PIK3R1: variants seen among roughly 807,000 people sequenced by gnomAD.
PIK3R1 encodes the protein phosphoinositide-3-kinase regulatory subunit 1, also known as phosphatidylinositol 3-kinase regulatory subunit alpha.
Under a neutral mutation model 98.0 loss-of-function variants are expected in PIK3R1, and 29 were observed. The ratio of observed to expected loss-of-function variants is 0.30; its 90% confidence interval spans 0.22 to 0.40. PIK3R1 has a LOEUF of 0.40. Ranked by LOEUF, PIK3R1 falls within the 10% of genes least tolerant of loss-of-function variation. The pLI is 1.00. For synonymous variants in PIK3R1, 282 were observed against 311.8 expected, an observed-to-expected ratio of 0.90 and a Z score of 1.01; for missense variants, 596 against 872.7, an observed-to-expected ratio of 0.68 and a Z score of 3.99.
At chr5:68,227,043 C>A in intron 2 of PIK3R1, 34 bp downstream of exon 2, 2 of 1,526,160 alleles carry the variant, frequency 1.3e-6, no homozygotes, top group Non-Finnish European at 1.8e-6. Context: ...TAATGACTCC[C>A]TTTCTTTTTC....
chr5:68,262,715 G>A (rs862715), intron 2 of PIK3R1, among the ~76,000 whole-genome samples: 515 of 16,478 alleles, frequency 0.031, 32 homozygotes, highest in African/African-American at 0.12. Context: ...GCATGTAGAT[G>A]CATGTATACA....
intron 2 of PIK3R1, among the ~76,000 whole-genome samples, chr5:68,240,653 C>T (rs1278736867): frequency 6.6e-6 from 1 of 152,186 alleles, no homozygotes; most frequent in African/African-American, 2.4e-5. Context: ...AGTGAATTGT[C>T]ACTGTAACTG....
At chr5:68,225,711 G>A (rs1254620319) in intron 1 of PIK3R1, among the ~76,000 whole-genome samples, 1 of 152,112 alleles carries the variant, frequency 6.6e-6, no homozygotes, top group Non-Finnish European at 1.5e-5. Context: ...TTTTCACCAA[G>A]CCCTTTCCGT....
chr5:68,294,684 TG>T lies in PIK3R1; in HGVS notation c.1568+7del, dbSNP rs762253615. On this transcript the variant is annotated splice_region_variant and intron_variant, in intron 12 of 15. Transcript: ENST00000521381. ...AATGAGAAAGAAATACAAAGGTTGG[TG>T]TTTCCCTTGTTCTTGTGCTAGAGAT... The T allele has an allele frequency of 7.5e-6, 12 of 1,596,182 alleles. No individual in the cohort carries two copies. Among genetic ancestry groups the T allele is most frequent in the Non-Finnish European group, 1.0e-5 (12 of 1,174,152 alleles).
chr5:68,290,101 CTTT>C (rs1476439716), intron 7 of PIK3R1, among the ~76,000 whole-genome samples: 1 of 152,032 alleles, frequency 6.6e-6, no homozygotes, highest in Non-Finnish European at 1.5e-5. Context: ...TATACATTTT[CTTT>C]TAACTGTCCT....
intron 2 of PIK3R1, among the ~76,000 whole-genome samples, chr5:68,252,092 T>G (rs573570491): frequency 6.6e-6 from 1 of 152,220 alleles, no homozygotes; most frequent in African/African-American, 2.4e-5. Context: ...CAACAACTGG[T>G]CAAGAGCCCA....
Position 68,299,433 on chromosome 5 carries a change from C to CCG in PIK3R1, c.*1832_*1833insCG, listed in dbSNP as rs1172288138. Reference sequence around the variant, plus strand: ...TCTAATCATTGTATGTGCTTCACTACGGGGGGGAGAAGGAAACGTTAGCAT... The same window carrying CCG: ...TCTAATCATTGTATGTGCTTCACTACCGGGGGGGGAGAAGGAAACGTTAGCAT... On this transcript the variant is annotated 3_prime_UTR_variant, in exon 16 of 16. Coordinates refer to ENST00000521381, the MANE Select transcript of PIK3R1 (RefSeq NM_181523.3). 8.6e-6 allele frequency: 2 copies of CCG among 232,940 alleles called. No individual in the cohort carries two copies. Among genetic ancestry groups the CCG allele is most frequent in the Non-Finnish European group, 1.7e-5 (2 of 117,870 alleles). 14.4% of individuals were successfully genotyped at this position (232,940 alleles called of 1,614,324 possible). A position where few individuals can be genotyped will look rare whatever the true frequency, so the allele number is the denominator to read the frequency against.
chr5:68,255,064 G>A (rs1033091196), intron 2 of PIK3R1, among the ~76,000 whole-genome samples: 4 of 152,168 alleles, frequency 2.6e-5, no homozygotes, highest in Non-Finnish European at 2.9e-5. Flanking sequence ...AAATGAATCT[G>A]GAATGGCCTG....
intron 1 of PIK3R1, among the ~76,000 whole-genome samples, chr5:68,222,874 G>A (rs867446939): frequency 3.3e-5 from 5 of 152,212 alleles, no homozygotes; most frequent in African/African-American, 1.2e-4. Flanking sequence ...GACTTACAGA[G>A]CTAGACTGCC....
In PIK3R1 at chr5:68,279,640, G is replaced by A. The variant is rs143572224; in HGVS notation, c.541G>A (p.Val181Ile). The change falls in exon 5 of 16, where the codon GTT becomes ATT. Residue 181 changes from valine (V) to isoleucine (I), a missense_variant. Around this residue, in one of 3 missense-constraint regions of PIK3R1, gnomAD observed 352 missense variants for 393.3 expected, o/e 0.90. Coordinates refer to ENST00000521381, the MANE Select transcript of PIK3R1 (RefSeq NM_181523.3). ...SVDLEMIDVH[V>I]LADAFKRYLL... Reference sequence around the variant, plus strand: ...GGACTTGGAAATGATCGATGTGCACGTTTTGGCTGACGCTTTCAAACGCTA... The same window carrying A: ...GGACTTGGAAATGATCGATGTGCACATTTTGGCTGACGCTTTCAAACGCTA... The A allele has an allele frequency of 5.7e-5, 92 of 1,613,774 alleles. No homozygotes were observed. The highest frequency in any genetic ancestry group is 1.6e-4 in the African/African-American group (12 of 74,868).
At chr5:68,290,934 T>C in intron 7 of PIK3R1, 1 of 759,098 alleles carries the variant, frequency 1.3e-6, no homozygotes, top group East Asian at 2.8e-5. Flanking sequence ...CTGTTTTTAT[T>C]AATTTGTTTC....
chr5:68,230,024 A>T (rs575927874), intron 2 of PIK3R1, among the ~76,000 whole-genome samples: 1 of 152,350 alleles, frequency 6.6e-6, no homozygotes, highest in African/African-American at 2.4e-5. Flanking sequence ...AGATGAAATC[A>T]AGGCTCAAGA....
intron 4 of PIK3R1, among the ~76,000 whole-genome samples, chr5:68,275,268 G>A (rs1008945265): frequency 3.3e-5 from 5 of 152,160 alleles, no homozygotes; most frequent in Non-Finnish European, 5.9e-5. Context: ...TTAACATGCA[G>A]AACACTCAAG....
At chr5:68,271,153 A>C (rs1746342055) in intron 2 of PIK3R1, among the ~76,000 whole-genome samples, 1 of 152,160 alleles carries the variant, frequency 6.6e-6, no homozygotes. Context: ...CTGAAGATTT[A>C]GGGTGGTACC....
chr5:68,273,488 C>G lies in PIK3R1; in HGVS notation c.427+6C>G, dbSNP rs369111422. On this transcript the variant is annotated splice_donor_region_variant and intron_variant, in intron 3 of 15. Transcript: ENST00000521381. ...GGAAGCCATTGAAAAGAAAGGTAAC[C>G]AGACTGCTAGAGGGCATCAGTTCCT... 5.0e-6 allele frequency: 8 copies of G among 1,609,862 alleles called. No individual in the cohort carries two copies. Among genetic ancestry groups the G allele is most frequent in the African/African-American group, 1.3e-5 (1 of 74,808 alleles).
At chr5:68,225,954 C>T (rs897225208) in intron 1 of PIK3R1, among the ~76,000 whole-genome samples, 1 of 152,280 alleles carries the variant, frequency 6.6e-6, no homozygotes, top group East Asian at 1.9e-4. Flanking sequence ...AGTGTGCTTT[C>T]TCCCTCGTTT....
chr5:68,245,062 C>A (rs1745030996), intron 2 of PIK3R1, among the ~76,000 whole-genome samples: 1 of 152,190 alleles, frequency 6.6e-6, no homozygotes, highest in South Asian at 2.1e-4. Flanking sequence ...TGAGACTCAG[C>A]TGGCTGACTT....
chr5:68,229,499 T>C (rs899931034), intron 2 of PIK3R1, among the ~76,000 whole-genome samples: 2 of 152,184 alleles, frequency 1.3e-5, no homozygotes, highest in African/African-American at 4.8e-5. Flanking sequence ...CTGTGTTTAT[T>C]GCATTTAGAA....
intron 2 of PIK3R1, among the ~76,000 whole-genome samples, 171 bp downstream of exon 2, chr5:68,227,180 T>C (rs950006869): frequency 2.6e-5 from 4 of 152,196 alleles, no homozygotes; most frequent in African/African-American, 9.6e-5. Context: ...ACTAGAAATT[T>C]GTGTTTGTGG....
Sources: gnomAD v4.1 joint callset for allele counts (sites outside exome capture counted in the v4.1 genomes callset) on GRCh38, gnomAD v4.1.1 for gene constraint, gnomAD v4.1.1 regional missense constraint, MANE v1.5 for transcripts, NCBI Gene and HGNC (gene_info 2026-07-23, HGNC 2026-07-21) for gene names.